The following CRTC3 variants were observed in gnomAD, a reference collection of about 807,000 sequenced individuals.
The protein encoded by CRTC3 is CREB-regulated transcription coactivator 3.
Under a neutral mutation model 74.5 loss-of-function variants are expected in CRTC3, and 26 were observed. The ratio of observed to expected loss-of-function variants is 0.35; its 90% CI spans 0.26 to 0.48. The LOEUF (loss-of-function observed/expected upper bound fraction) is 0.48, where lower values mean the gene tolerates loss of function less well. CRTC3 is among the 20% of genes least tolerant of loss of function. The probability of loss-of-function intolerance (pLI) is 0.99; values close to 1 mark genes in which losing one functional copy is unlikely to be tolerated. For synonymous variants in CRTC3, 377 were observed against 325.8 expected (o/e 1.16, Z -1.69); for missense variants, 760 against 787.3 (o/e 0.97, Z 0.41).
intron 2 of CRTC3, among the ~76,000 whole-genome samples, chr15:90,553,071 C>T (rs1273453190): frequency 1.3e-5 from 2 of 152,120 alleles, no homozygotes; most frequent in Admixed American, 1.3e-4. Flanking sequence ...TTTAGAAGGC[C>T]ACATTTATAA....
At chr15:90,608,245 T>C (rs1968276123) in intron 6 of CRTC3, among the ~76,000 whole-genome samples, 1 of 152,116 alleles carries the variant, frequency 6.6e-6, no homozygotes, top group Non-Finnish European at 1.5e-5. Context: ...CCAAACCTGA[T>C]CATCTTGCTC....
chr15:90,639,178 A>G (rs997053976), intron 13 of CRTC3, among the ~76,000 whole-genome samples: 2 of 152,094 alleles, frequency 1.3e-5, no homozygotes, highest in Non-Finnish European at 2.9e-5. Flanking sequence ...CCGCAGAGTC[A>G]GAAGGTGGCG....
intron 7 of CRTC3, among the ~76,000 whole-genome samples, chr15:90,616,435 T>C (rs1037207545): frequency 1.4e-4 from 21 of 152,348 alleles, no homozygotes; most frequent in African/African-American, 4.6e-4. Flanking sequence ...TTCAAAGTCT[T>C]TTCTCAAAAT....
chr15:90,562,313 A>C (rs927055399), intron 2 of CRTC3, among the ~76,000 whole-genome samples: 2 of 152,216 alleles, frequency 1.3e-5, no homozygotes, highest in African/African-American at 4.8e-5. Flanking sequence ...GAGTTCCCAC[A>C]TCAACCTTCT....
At chr15:90,621,562 A>T (rs1024003801) in intron 9 of CRTC3, among the ~76,000 whole-genome samples, 4 of 152,128 alleles carry the variant, frequency 2.6e-5, no homozygotes, top group Non-Finnish European at 5.9e-5. Flanking sequence ...ACCTCAGGTG[A>T]TCCACCCACT....
At chr15:90,601,255 T>C (rs1325981803) in intron 3 of CRTC3, among the ~76,000 whole-genome samples, 1 of 152,178 alleles carries the variant, frequency 6.6e-6, no homozygotes, top group Non-Finnish European at 1.5e-5. Flanking sequence ...CAAGGCATGG[T>C]AGACCCAGTG....
intron 2 of CRTC3, among the ~76,000 whole-genome samples, chr15:90,557,263 T>G (rs1466829343): frequency 6.6e-6 from 1 of 152,120 alleles, no homozygotes; most frequent in African/African-American, 2.4e-5. Context: ...TAGGACCGCC[T>G]ACACTGCCAG....
Position 90,631,614 on chromosome 15 carries a change from C to T in CRTC3, c.1266+2082C>T, listed in dbSNP as rs1969040050. ...ATGGTGGCACACGCCTGTAATCCCA[C>T]CTACTCAGGATGCTGCGACGTGAGA... On this transcript the variant is annotated intron_variant, in intron 11 of 14. Coordinates refer to ENST00000268184, the MANE Select transcript of CRTC3 (RefSeq NM_022769.5). Among the ~76,000 whole-genome samples the T allele has an allele frequency of 2.6e-5, 4 of 151,818 alleles. No individual in the cohort carries two copies. The South Asian group carries it at 8.3e-4, about 32-fold the overall frequency.
chr15:90,638,428 T>C lies in CRTC3; in HGVS notation c.1267-18T>C. On this transcript the variant is annotated intron_variant, in intron 11 of 14. Transcript: ENST00000268184. Reference sequence around the variant, plus strand: ...AAACGCAGAAGCTCATTAGTGGCTTTGTGTGTTTGTTTTGCAGATGGTGTC... The same window carrying C: ...AAACGCAGAAGCTCATTAGTGGCTTCGTGTGTTTGTTTTGCAGATGGTGTC... The C allele has an allele frequency of 2.5e-6, 4 of 1,611,392 alleles. No individual in the cohort carries two copies. Among genetic ancestry groups the C allele is most frequent in the Non-Finnish European group, 3.4e-6 (4 of 1,177,602 alleles).
rs563244776 is a variant in CRTC3 at position 90,537,064 on chromosome 15, G to A, written c.133-2975G>A. Among the ~76,000 whole-genome samples, 8 of 152,286 alleles carry A rather than the reference G, an allele frequency of 5.3e-5. No individual in the cohort carries two copies. The East Asian group carries it at 5.8e-4, about 11-fold the overall frequency. ...CTATGGGCTGCCAGTCTGTGACCTC[G>A]GCCTTAGGCTAATCATTCTTTGGTT... On this transcript the variant is annotated intron_variant, in intron 1 of 14. Transcript: ENST00000268184.
intron 9 of CRTC3, among the ~76,000 whole-genome samples, chr15:90,621,734 T>C (rs1271654777): frequency 6.6e-6 from 1 of 152,206 alleles, no homozygotes; most frequent in African/African-American, 2.4e-5. Flanking sequence ...TGAGCCACCA[T>C]GCCTGGCCAA....
intron 1 of CRTC3, among the ~76,000 whole-genome samples, chr15:90,533,323 C>A (rs1012115670): frequency 1.1e-4 from 16 of 145,902 alleles, no homozygotes; most frequent in African/African-American, 3.8e-4. Context: ...AGGGAGGCTG[C>A]GGCAGGAGAA....
intron 2 of CRTC3, among the ~76,000 whole-genome samples, chr15:90,567,403 C>T (rs972707092): frequency 6.6e-6 from 1 of 152,062 alleles, no homozygotes; most frequent in Non-Finnish European, 1.5e-5. Context: ...AATATTACTC[C>T]TGGCTGGGCT....
chr15:90,602,930 C>T (rs530658286), intron 4 of CRTC3, among the ~76,000 whole-genome samples: 8 of 151,372 alleles, frequency 5.3e-5, no homozygotes, highest in South Asian at 4.2e-4. Context: ...GCTGAGATCA[C>T]GCCACAGCAC....
intron 3 of CRTC3, chr15:90,595,281 T>G (rs924736477): frequency 6.6e-6 from 1 of 152,196 alleles, no homozygotes; most frequent in African/African-American, 2.4e-5. Context: ...TTTAACAATG[T>G]ATTTTTTTTG....
At chr15:90,588,706 C>T (rs907963782) in intron 2 of CRTC3, among the ~76,000 whole-genome samples, 4 of 152,226 alleles carry the variant, frequency 2.6e-5, no homozygotes, top group African/African-American at 4.8e-5. Context: ...TGGGGAGCAC[C>T]GTGGGAGGCT....
At chr15:90,543,544 A>G (rs1966837650) in intron 2 of CRTC3, among the ~76,000 whole-genome samples, 2 of 152,184 alleles carry the variant, frequency 1.3e-5, no homozygotes, top group Non-Finnish European at 2.9e-5. Context: ...GCACAGATTT[A>G]TTGAAATAAA....
At chr15:90,532,017 T>C (rs965379603) in intron 1 of CRTC3, among the ~76,000 whole-genome samples, 3 of 152,244 alleles carry the variant, frequency 2.0e-5, no homozygotes, top group African/African-American at 2.4e-5. Context: ...GTCTCTTGAA[T>C]TTAGCAAGCC....
chr15:90,535,193 T>C (rs1260974275), intron 1 of CRTC3, among the ~76,000 whole-genome samples: 1 of 147,400 alleles, frequency 6.8e-6, no homozygotes, highest in Non-Finnish European at 1.5e-5. Context: ...AAGTGAACCA[T>C]GAGGAGGGCC....
Sources: gnomAD v4.1 joint callset for allele counts (sites outside exome capture counted in the v4.1 genomes callset) on GRCh38, gnomAD v4.1.1 for gene constraint, MANE v1.5 for transcripts, NCBI Gene and HGNC (gene_info 2026-07-23, HGNC 2026-07-21) for gene names.